The following OSBPL9 variants were observed in gnomAD, a reference collection of about 807,000 sequenced individuals.
The protein encoded by OSBPL9 is oxysterol binding protein like 9.
Under a neutral mutation model 106.6 loss-of-function variants are expected in OSBPL9, and 40 were observed. That is an observed-to-expected ratio of 0.38 (90% CI 0.29 to 0.49). OSBPL9 has a LOEUF of 0.49. Ranked by LOEUF, OSBPL9 falls within the 20% of genes least tolerant of loss-of-function variation. The probability of loss-of-function intolerance (pLI) is 0.97; values close to 1 mark genes in which losing one functional copy is unlikely to be tolerated. For synonymous variants in OSBPL9, 269 were observed against 295.4 expected, an observed-to-expected ratio of 0.91 and a Z score of 0.92; for missense variants, 609 against 887.2, an observed-to-expected ratio of 0.69 and a Z score of 3.98.
chr1:51,722,162 AATAGATAGATAGATAGATAG>A (rs3991279), intron 4 of OSBPL9, among the ~76,000 whole-genome samples: 2 of 146,958 alleles, frequency 1.4e-5, no homozygotes, highest in African/African-American at 2.5e-5. Flanking sequence ...CTCTAAAATA[AATAGATAGATAGATAGATAG>A]ATAGATAGAT....
intron 2 of OSBPL9, among the ~76,000 whole-genome samples, chr1:51,605,969 GAAAGAAAC>G (rs960434720): frequency 2.8e-5 from 4 of 145,050 alleles, no homozygotes; most frequent in Admixed American, 1.4e-4. Context: ...CGTCTCAAAA[GAAAGAAAC>G]AAAGAAAGAG....
the OSBPL9 span, among the ~76,000 whole-genome samples, chr1:51,559,861 TA>T: frequency 0.16 from 23,783 of 149,156 alleles, 3,589 homozygotes; most frequent in African/African-American, 0.4. Context: ...GAGACAACTG[TA>T]AAAAAAAAAT....
At chr1:51,616,459 G>A (rs1445524394), upstream of OSBPL9, among the ~76,000 whole-genome samples, 1 of 152,012 alleles carries the variant, frequency 6.6e-6, no homozygotes, top group East Asian at 1.9e-4. Context: ...CTATTCCTTC[G>A]TCTTGGAAGG....
chr1:51,780,775 A>G (rs1676192769), intron 15 of OSBPL9, among the ~76,000 whole-genome samples: 1 of 152,140 alleles, frequency 6.6e-6, no homozygotes. Flanking sequence ...AAAAAGAAAG[A>G]ATGATACAGT....
chr1:51,663,964 A>T (rs937327595), intron 2 of OSBPL9, among the ~76,000 whole-genome samples: 1 of 152,222 alleles, frequency 6.6e-6, no homozygotes, highest in Admixed American at 6.5e-5. Context: ...GCCAAGAATA[A>T]CTAAGGTGAA....
intron 2 of OSBPL9, among the ~76,000 whole-genome samples, chr1:51,604,201 A>G (rs1643917395): frequency 6.6e-6 from 1 of 152,190 alleles, no homozygotes; most frequent in South Asian, 2.1e-4. Flanking sequence ...AACCAATAGC[A>G]TCTGCTACAG....
At chr1:51,526,492 G>A in the OSBPL9 span, among the ~76,000 whole-genome samples, 3,255 of 152,154 alleles carry the variant, frequency 0.021, 55 homozygotes, top group Non-Finnish European at 0.031. Flanking sequence ...TGAGGATTTC[G>A]GGGAAAGTTA....
chr1:51,781,346 C>T lies in OSBPL9; in HGVS notation c.1428+11C>T, dbSNP rs374850566. The T allele has an allele frequency of 1.9e-5, 30 of 1,608,220 alleles. No individual in the cohort carries two copies. The highest frequency in any genetic ancestry group is 2.4e-5 in the Non-Finnish European group (28 of 1,175,278). On this transcript the variant is annotated intron_variant, in intron 16 of 23. Coordinates refer to ENST00000428468, the MANE Select transcript of OSBPL9 (RefSeq NM_024586.6). ...ACTGAAGAGAACACAGTGAGTTCTG[C>T]ATTGACATTTTTAAATTATCTTAAT...
intron 4 of OSBPL9, among the ~76,000 whole-genome samples, chr1:51,719,898 A>G (rs925575729): frequency 5.3e-5 from 8 of 152,228 alleles, no homozygotes; most frequent in Non-Finnish European, 7.3e-5. Context: ...ACTACTTACA[A>G]TGTGCAAATG....
At chr1:51,683,853 A>G (rs1653166035) in intron 3 of OSBPL9, among the ~76,000 whole-genome samples, 2 of 152,104 alleles carry the variant, frequency 1.3e-5, no homozygotes, top group Admixed American at 6.5e-5. Context: ...GACATTATTC[A>G]TTTAAATGTA....
chr1:51,565,589 T>C, the OSBPL9 span: 1 of 152,246 alleles, frequency 6.6e-6, no homozygotes, highest in African/African-American at 2.4e-5. Flanking sequence ...AGTATTAAAA[T>C]AATACCTGTT....
At chr1:51,688,673 C>A (rs544411446) in intron 3 of OSBPL9, among the ~76,000 whole-genome samples, 3 of 152,048 alleles carry the variant, frequency 2.0e-5, no homozygotes, top group Non-Finnish European at 4.4e-5. Flanking sequence ...AAAGTTTTTA[C>A]ATTTTGTACT....
At chr1:51,547,029 G>A in the OSBPL9 span, among the ~76,000 whole-genome samples, 1 of 152,284 alleles carries the variant, frequency 6.6e-6, no homozygotes, top group South Asian at 2.1e-4. Flanking sequence ...TGGAGTTGTG[G>A]GGATGCTGGA....
the OSBPL9 span, among the ~76,000 whole-genome samples, chr1:51,539,370 A>T: frequency 2.0e-5 from 3 of 151,988 alleles, no homozygotes; most frequent in Non-Finnish European, 2.9e-5. Flanking sequence ...TACCTCCAAA[A>T]TTATGTGAAA....
chr1:51,725,212 C>T (rs1057241530), intron 4 of OSBPL9, among the ~76,000 whole-genome samples: 5 of 151,648 alleles, frequency 3.3e-5, no homozygotes, highest in Non-Finnish European at 7.4e-5. Context: ...GTCTAGTTTA[C>T]TAATAAGCCC....
intron 4 of OSBPL9, among the ~76,000 whole-genome samples, chr1:51,716,063 C>T (rs777022233): frequency 1.3e-5 from 2 of 152,146 alleles, no homozygotes; most frequent in Non-Finnish European, 2.9e-5. Flanking sequence ...AATTTTTCAG[C>T]TTTTGCTAAG....
chr1:51,773,304 T>C (rs143215968), intron 14 of OSBPL9, among the ~76,000 whole-genome samples: 1 of 152,284 alleles, frequency 6.6e-6, no homozygotes, highest in African/African-American at 2.4e-5. Flanking sequence ...AACTTGGAGC[T>C]CTCAACAGAA....
At chr1:51,710,209 C>A (rs1659517919) in intron 3 of OSBPL9, among the ~76,000 whole-genome samples, 1 of 152,134 alleles carries the variant, frequency 6.6e-6, no homozygotes, top group African/African-American at 2.4e-5. Flanking sequence ...CAGCTCAGAC[C>A]TAGAGTCCAG....
the OSBPL9 span, among the ~76,000 whole-genome samples, chr1:51,543,578 G>C: frequency 6.6e-6 from 1 of 152,080 alleles, no homozygotes; most frequent in Admixed American, 6.5e-5. Context: ...TGTATCATTA[G>C]TAGAGACGGG....
Sources: gnomAD v4.1 joint callset for allele counts (sites outside exome capture counted in the v4.1 genomes callset) on GRCh38, gnomAD v4.1.1 for gene constraint, MANE v1.5 for transcripts, NCBI Gene and HGNC (gene_info 2026-07-23, HGNC 2026-07-21) for gene names.